The following NKTR variants were observed in gnomAD, a reference collection of about 807,000 sequenced individuals.
NKTR encodes the protein natural killer cell triggering receptor, also known as NK-tumor recognition protein.
In NKTR, 67 loss-of-function variants were observed where a neutral mutation model predicts 156.3. The observed-to-expected ratio is 0.43, with a 90% CI of 0.35 to 0.53. The LOEUF (loss-of-function observed/expected upper bound fraction) is 0.53, where lower values mean the gene tolerates loss of function less well. NKTR is among the 20% of genes least tolerant of loss of function. NKTR has a pLI of 0.01. For synonymous variants in NKTR, 640 were observed against 596.6 expected, an observed-to-expected ratio of 1.07 and a Z score of -1.06; for missense variants, 1,604 against 1,730.9, an observed-to-expected ratio of 0.93 and a Z score of 1.30.
At chr3:42,629,816 T>G (rs1207661015) in intron 6 of NKTR, 11 of 985,290 alleles carry the variant, frequency 1.1e-5, no homozygotes, top group Non-Finnish European at 1.3e-5. Flanking sequence ...TTCCCAAGAG[T>G]GACTGTCTGA....
At chr3:42,614,299 C>T (rs957923319) in intron 2 of NKTR, among the ~76,000 whole-genome samples, 1 of 152,024 alleles carries the variant, frequency 6.6e-6, no homozygotes, top group Non-Finnish European at 1.5e-5. Flanking sequence ...GAGAGACTTA[C>T]GCAAATTCAT....
intron 5 of NKTR, chr3:42,620,360 T>C (rs937986309): frequency 6.4e-6 from 7 of 1,085,524 alleles, no homozygotes; most frequent in Admixed American, 1.0e-4. Flanking sequence ...ACTATGACTG[T>C]GTTTATTCTC....
In NKTR at chr3:42,639,492, G is replaced by A. The variant is rs1206352643; in HGVS notation, c.3788G>A (p.Arg1263Lys). Residue 1263 changes from arginine (R) to lysine (K), a missense_variant, in exon 13 of 17, where the codon AGA becomes AAA. Transcript: ENST00000232978. Reference protein sequence around the residue: ...TVPEMKPQGLRIEIKSKNKVR... With the variant: ...TVPEMKPQGLKIEIKSKNKVR... ...CCTGAAATGAAACCACAAGGCTTGA[G>A]AATAGAAATTAAAAGCAAAAATAAA... is the stretch of plus-strand genomic sequence containing the variant. The A allele has an allele frequency of 6.2e-7, 1 of 1,614,196 alleles. No homozygotes were observed. The highest frequency in any genetic ancestry group is 8.5e-7 in the Non-Finnish European group (1 of 1,180,036).
In NKTR at chr3:42,638,399, A is replaced by G. The variant is rs780733052; in HGVS notation, c.2695A>G (p.Ser899Gly). Residue 899 changes from serine (S) to glycine (G), a missense_variant, in exon 13 of 17, where the codon AGT becomes GGT. Transcript: ENST00000232978. ...TTCAGAACGAGATGTCACTAAAAAC[A>G]GTAAAAATGACTCCCATCCATCCTC... ...SNSERDVTKN[S>G]KNDSHPSSDK... 1.2e-6 allele frequency: 2 copies of G among 1,614,018 alleles called. No individual in the cohort carries two copies. Among genetic ancestry groups the G allele is most frequent in the South Asian group, 2.2e-5 (2 of 91,016 alleles).
Position 42,635,205 on chromosome 3 carries a change from G to GT in NKTR, c.1018-11dup, listed in dbSNP as rs1444241454. ...GAGAGGCATTTTTTAAAATACTATTGTTTTTGTTTTTAAAGCGCTATCACA... is the reference window on the plus strand; with the variant it reads ...GAGAGGCATTTTTTAAAATACTATTGTTTTTTGTTTTTAAAGCGCTATCACA... On this transcript the variant is annotated splice_polypyrimidine_tract_variant and intron_variant, in intron 11 of 16. Coordinates refer to ENST00000232978, the MANE Select transcript of NKTR (RefSeq NM_005385.4). 2 of 1,604,316 alleles carry GT rather than the reference G, an allele frequency of 1.2e-6. No individual in the cohort carries two copies. Among genetic ancestry groups the GT allele is most frequent in the Admixed American group, 3.4e-5 (2 of 57,976 alleles).
At chr3:42,632,533 C>T in intron 8 of NKTR, 68 bp from the exon 9 acceptor site, 2 of 893,704 alleles carry the variant, frequency 2.2e-6, no homozygotes, top group South Asian at 1.7e-5. Context: ...ATTCAGTAAT[C>T]ACATTTTTTA....
rs10712209 is a variant in NKTR at position 42,618,997 on chromosome 3, CTTTTTTTTT to C, written c.134-13_134-5del. ...ATGTATAAATAATTAAACTTCATTT[CTTTTTTTTT>C]TTTTTTTTTCCAGGAGAGAAAGGCC... On this transcript the variant is annotated splice_polypyrimidine_tract_variant and intron_variant, in intron 3 of 16. Coordinates refer to ENST00000232978, the MANE Select transcript of NKTR (RefSeq NM_005385.4). The C allele has an allele frequency of 3.7e-6, 5 of 1,354,806 alleles. No individual in the cohort carries two copies. The East Asian group carries it at 1.2e-4, about 34-fold the overall frequency. The allele number at this position is 1,354,806 out of a possible 1,614,324, so 83.9% of individuals were successfully genotyped here. A position where few individuals can be genotyped will look rare whatever the true frequency, so the allele number is the denominator to read the frequency against.
intron 2 of NKTR, among the ~76,000 whole-genome samples, chr3:42,612,585 A>G (rs964166433): frequency 2.0e-5 from 3 of 152,164 alleles, no homozygotes; most frequent in Admixed American, 6.6e-5. Context: ...TCAGTGCCCA[A>G]TGCCACTCTT....
Position 42,609,740 on chromosome 3 carries a change from T to C in NKTR, c.59-7830T>C, listed in dbSNP as rs1706581352. On this transcript the variant is annotated intron_variant, in intron 2 of 16. Coordinates refer to ENST00000232978, the MANE Select transcript of NKTR (RefSeq NM_005385.4). ...GGCATTATGCCTCTCAAAGTTGGAGTTTTGTTTTTATAGATCCTATACTCT... is the reference window on the plus strand; with the variant it reads ...GGCATTATGCCTCTCAAAGTTGGAGCTTTGTTTTTATAGATCCTATACTCT... 2.0e-5 allele frequency among the ~76,000 whole-genome samples: 3 copies of C among 152,182 alleles called. 1 individual carries two copies. The South Asian group carries it at 6.2e-4, about 31-fold the overall frequency.
intron 2 of NKTR, among the ~76,000 whole-genome samples, chr3:42,612,706 C>A (rs1434743445): frequency 3.3e-5 from 5 of 152,100 alleles, no homozygotes; most frequent in Admixed American, 6.6e-5. Context: ...ATTCTTGTTT[C>A]ACAGCCTATT....
chr3:42,621,502 T>G lies in NKTR; in HGVS notation c.360T>G (p.Gly120=). ...SMANRGKHTN[G]SQFFITTKPA... ...CAAATCGAGGGAAACATACCAATGG[T>G]TCCCAGTTTTTCATGTGAGTAGGCA... Residue 120 remains glycine (G), a synonymous_variant, in exon 6 of 17, where the codon GGT becomes GGG. Transcript: ENST00000232978. The G allele has an allele frequency of 3.1e-6, 5 of 1,608,942 alleles. No homozygotes were observed. The highest frequency in any genetic ancestry group is 4.2e-6 in the Non-Finnish European group (5 of 1,177,432).
chr3:42,621,536 A>G lies in NKTR; in HGVS notation c.374+20A>G. 1 of 1,602,064 alleles carries G rather than the reference A, an allele frequency of 6.2e-7. No individual in the cohort carries two copies. The highest frequency in any genetic ancestry group is 8.5e-7 in the Non-Finnish European group (1 of 1,175,754). On this transcript the variant is annotated intron_variant, in intron 6 of 16. Coordinates refer to ENST00000232978, the MANE Select transcript of NKTR (RefSeq NM_005385.4). ...TTTCATGTGAGTAGGCATAATTCAG[A>G]GATGAGCTTTTCTTAAACAGAGAAG... is the stretch of plus-strand genomic sequence containing the variant.
chr3:42,632,418 A>G (rs1709004374), intron 8 of NKTR, 183 bp from the exon 9 acceptor site: 1 of 546,758 alleles, frequency 1.8e-6, no homozygotes, highest in Non-Finnish European at 3.2e-6. Context: ...CATAAAGACA[A>G]GGGACTTACT....
At chr3:42,629,986 A>G in intron 6 of NKTR, 1 of 985,364 alleles carries the variant, frequency 1.0e-6, no homozygotes, top group Non-Finnish European at 1.2e-6. Context: ...TCAGAGCTTC[A>G]CCTTGGGTGA....
Position 42,634,699 on chromosome 3 carries a change from T to C in NKTR, c.1016T>C (p.Ile339Thr). 5 of 1,569,640 alleles carry C rather than the reference T, an allele frequency of 3.2e-6. No individual in the cohort carries two copies. Among genetic ancestry groups the C allele is most frequent in the Non-Finnish European group, 4.4e-6 (5 of 1,148,682 alleles). The change falls in exon 11 of 17, where the codon ATT becomes ACT. Residue 339 changes from isoleucine (I) to threonine (T), a missense_variant and splice_region_variant. This residue lies in a region of NKTR where 1,255 missense variants were observed against 1,243.7 expected (regional missense o/e 1.01). Coordinates refer to ENST00000232978, the MANE Select transcript of NKTR (RefSeq NM_005385.4). ...SGRKIKGRGT[I>T]RYHTPPRSRS... ...CGGAAGATTAAAGGAAGGGGCACAA[T>C]TGTATGTGTGATAAGACTTTTTTTG...
intron 13 of NKTR, among the ~76,000 whole-genome samples, chr3:42,640,250 A>T (rs1709770299): frequency 6.6e-6 from 1 of 152,250 alleles, no homozygotes; most frequent in Admixed American, 6.5e-5. Context: ...TTGTTTGAAA[A>T]GCAATAAAAG....
chr3:42,646,537 T>G lies in NKTR; in HGVS notation c.*562T>G, dbSNP rs537101715. 8 of 153,260 alleles carry G rather than the reference T, an allele frequency of 5.2e-5. No individual in the cohort carries two copies. The highest frequency in any genetic ancestry group is 1.9e-4 in the African/African-American group (8 of 41,574). 9.5% of individuals were successfully genotyped at this position (153,260 alleles called of 1,614,324 possible). A position where few individuals can be genotyped will look rare whatever the true frequency, so the allele number is the denominator to read the frequency against. ...TAACTTCTTTGATACTTCACAGGAT[T>G]AGGAAAGTGGTCATCATACATCCCA... On this transcript the variant is annotated 3_prime_UTR_variant, in exon 17 of 17. Transcript: ENST00000232978.
Position 42,639,727 on chromosome 3 carries a change from G to A in NKTR, c.4023G>A (p.Ser1341=), listed in dbSNP as rs372586369. The A allele has an allele frequency of 9.3e-6, 15 of 1,609,594 alleles. No individual in the cohort carries two copies. Among genetic ancestry groups the A allele is most frequent in the Middle Eastern group, 1.7e-4 (1 of 6,034 alleles). The change falls in exon 13 of 17, where the codon TCG becomes TCA. Residue 1341 remains serine, a synonymous_variant. Coordinates refer to ENST00000232978, the MANE Select transcript of NKTR (RefSeq NM_005385.4). ...CCTATAGTCACTCAAGAAGTCGATC[G>A]AGAAGTTCCACATCATCTTATCGGT... ...SVSYSHSRSR[S]RSSTSSYRSR... is the part of the protein sequence containing the mutation.
At position 42,630,641 on chromosome 3, in the gene NKTR, C is replaced by T; in HGVS notation, c.404+66C>T. ...TGGCCAGCCATAAAGAGAGATTGGA[C>T]CATGGTTGAGCCCTCAAGGGAGCGC... On this transcript the variant is annotated intron_variant, in intron 7 of 16. Transcript: ENST00000232978. The T allele has an allele frequency of 2.5e-6, 4 of 1,607,638 alleles. No individual in the cohort carries two copies. In the South Asian group the frequency reaches 4.4e-5, roughly 18 times the overall value.
Sources: allele counts gnomAD v4.1 joint callset (sites outside exome capture counted in the v4.1 genomes callset), GRCh38; gene constraint gnomAD v4.1.1; regional missense constraint gnomAD v4.1.1; transcripts MANE v1.5; gene names NCBI Gene and HGNC (gene_info 2026-07-23, HGNC 2026-07-21).